TMPRSS11D: variants seen among roughly 807,000 people sequenced by gnomAD.
TMPRSS11D encodes transmembrane protease serine 11D.
A neutral mutation model predicts 44.4 loss-of-function variants in TMPRSS11D; 32 were observed. The observed-to-expected ratio is 0.72, with a 90% CI of 0.54 to 0.97. TMPRSS11D has a LOEUF of 0.97. Among genes scored for constraint, TMPRSS11D ranks in the 50% least tolerant of loss-of-function variants. The pLI, the probability that TMPRSS11D is intolerant of heterozygous loss-of-function variation, is 0.00. For synonymous variants in TMPRSS11D, 179 were observed against 177.9 expected, an observed-to-expected ratio of 1.01 and a Z score of -0.05; for missense variants, 446 against 502.6, an observed-to-expected ratio of 0.89 and a Z score of 1.08.
intron 1 of TMPRSS11D, among the ~76,000 whole-genome samples, chr4:67,863,051 A>AT (rs982848948): frequency 5.5e-5 from 8 of 146,514 alleles, no homozygotes; most frequent in South Asian, 2.1e-4. Flanking sequence ...ATAATAAAAA[A>AT]ATATATATAA....
chr4:67,827,683 C>T (rs574086839), intron 7 of TMPRSS11D, among the ~76,000 whole-genome samples, 163 bp from the exon 8 acceptor site: 3 of 152,186 alleles, frequency 2.0e-5, no homozygotes, highest in African/African-American at 4.8e-5. Context: ...TTTAATTCTT[C>T]ACTGGCCGAA....
intron 3 of TMPRSS11D, among the ~76,000 whole-genome samples, 186 bp from the exon 4 acceptor site, chr4:67,842,811 A>G (rs1718263704): frequency 6.6e-6 from 1 of 152,212 alleles, no homozygotes; most frequent in South Asian, 2.1e-4. Flanking sequence ...TTGATGCAGT[A>G]CCTATTCCTT....
At chr4:67,849,313 T>TA (rs1718437758) in intron 3 of TMPRSS11D, among the ~76,000 whole-genome samples, 1 of 152,148 alleles carries the variant, frequency 6.6e-6, no homozygotes, top group Non-Finnish European at 1.5e-5. Context: ...CATGTAAGGA[T>TA]ATCAAGCTGG....
intron 4 of TMPRSS11D, among the ~76,000 whole-genome samples, chr4:67,839,834 T>C (rs2109670424): frequency 6.6e-6 from 1 of 151,994 alleles, no homozygotes; most frequent in East Asian, 1.9e-4. Flanking sequence ...TTTTTTTTAA[T>C]TTTATTATTA....
At chr4:67,863,470 T>C (rs1718845461) in intron 1 of TMPRSS11D, among the ~76,000 whole-genome samples, 1 of 152,096 alleles carries the variant, frequency 6.6e-6, no homozygotes. Flanking sequence ...TAAAACATGA[T>C]CATTTCTTAT....
chr4:67,858,273 T>TG (rs1441123843), intron 2 of TMPRSS11D, among the ~76,000 whole-genome samples: 2 of 152,160 alleles, frequency 1.3e-5, no homozygotes, highest in Non-Finnish European at 2.9e-5. Context: ...TCAAGTCATT[T>TG]GGGGGCCATA....
chr4:67,862,217 G>A (rs1453259503), intron 1 of TMPRSS11D, among the ~76,000 whole-genome samples: 5 of 152,052 alleles, frequency 3.3e-5, no homozygotes, highest in Non-Finnish European at 7.4e-5. Flanking sequence ...GTACAAGTAC[G>A]TTGTCAATCT....
chr4:67,823,995 C>A (rs905003059), intron 9 of TMPRSS11D, among the ~76,000 whole-genome samples: 4 of 151,964 alleles, frequency 2.6e-5, no homozygotes, highest in Non-Finnish European at 5.9e-5. Context: ...TTGCTGAATG[C>A]AGGGATAGTA....
rs1717659906 is a variant in TMPRSS11D, at chr4:67,822,196, A to T, written c.*141T>A. On this transcript the variant is annotated 3_prime_UTR_variant, in exon 10 of 10. Coordinates refer to ENST00000283916, the MANE Select transcript of TMPRSS11D (RefSeq NM_004262.3). ...CTTTAATAATAAAGAAAGGTTAAACAGTGTTTGTTAAACCATATTTATGTA... is the reference window on the plus strand; with the variant it reads ...CTTTAATAATAAAGAAAGGTTAAACTGTGTTTGTTAAACCATATTTATGTA... 3 of 940,126 alleles carry T rather than the reference A, an allele frequency of 3.2e-6. No individual in the cohort carries two copies. Among genetic ancestry groups the T allele is most frequent in the Non-Finnish European group, 4.8e-6 (3 of 625,260 alleles). The allele number at this position is 940,126 out of a possible 1,614,324, so 58.2% of individuals were successfully genotyped here.
intron 4 of TMPRSS11D, among the ~76,000 whole-genome samples, chr4:67,841,577 A>T (rs1012492333): frequency 1.3e-5 from 2 of 152,160 alleles, no homozygotes; most frequent in African/African-American, 2.4e-5. Flanking sequence ...GGATTGAGTG[A>T]TAAGTGGGAA....
chr4:67,845,559 A>G (rs181539332), intron 3 of TMPRSS11D, among the ~76,000 whole-genome samples: 7 of 152,272 alleles, frequency 4.6e-5, no homozygotes, highest in African/African-American at 1.7e-4. Context: ...CATAAGTTTT[A>G]CATTCAATCT....
intron 1 of TMPRSS11D, among the ~76,000 whole-genome samples, chr4:67,878,693 A>C (rs1719251553): frequency 6.6e-6 from 1 of 152,176 alleles, no homozygotes; most frequent in East Asian, 1.9e-4. Context: ...TGGGAGGCCG[A>C]GGTGGGCAGA....
rs113034629 is a variant in TMPRSS11D, at chr4:67,858,354, T to C, written c.130+1203A>G. ...ACTCTTTAAGCATGACAATGCCGTG[T>C]CATTAAGAGTGAAAATTCATTAATT... On this transcript the variant is annotated intron_variant, in intron 2 of 9. Coordinates refer to ENST00000283916, the MANE Select transcript of TMPRSS11D (RefSeq NM_004262.3). 6.8e-4 allele frequency among the ~76,000 whole-genome samples: 103 copies of C among 152,296 alleles called. 1 individual carries two copies. Among genetic ancestry groups the C allele is most frequent in the African/African-American group, 2.4e-3 (100 of 41,556 alleles).
chr4:67,831,564 A>C (rs1418532823), intron 7 of TMPRSS11D, among the ~76,000 whole-genome samples: 5 of 152,134 alleles, frequency 3.3e-5, no homozygotes, highest in Non-Finnish European at 7.4e-5. Context: ...CTTAGAATCC[A>C]GGGAGGTTTC....
At chr4:67,881,685 G>A (rs571978525) in intron 1 of TMPRSS11D, among the ~76,000 whole-genome samples, 1 of 152,246 alleles carries the variant, frequency 6.6e-6, no homozygotes, top group South Asian at 2.1e-4. Flanking sequence ...GCGATGGCTC[G>A]TCCCCCCGCC....
At chr4:67,857,271 GTATATATATATATATATATATATATATA>G (rs1214467886) in intron 2 of TMPRSS11D, among the ~76,000 whole-genome samples, 1 of 70,076 alleles carries the variant, frequency 1.4e-5, no homozygotes, top group African/African-American at 6.5e-5. Flanking sequence ...AGAAAATATG[GTATATATATATATATATATATATATATA>G]TATATATATA....
intron 7 of TMPRSS11D, among the ~76,000 whole-genome samples, 181 bp from the exon 8 acceptor site, chr4:67,827,701 T>G (rs1034597214): frequency 4.6e-5 from 7 of 152,148 alleles, no homozygotes; most frequent in Non-Finnish European, 1.0e-4. Context: ...GAATACATGG[T>G]CACTTGTCTA....
rs1718029570 is a variant in TMPRSS11D, at chr4:67,834,607, A to G, written c.514+476T>C. On this transcript the variant is annotated intron_variant, in intron 6 of 9. Transcript: ENST00000283916. ...CATAGGATGATGTTGAAGAGTAGTG[A>G]CTTTTCCTTCAGGTTATAGACCCAA... 2.0e-5 allele frequency among the ~76,000 whole-genome samples: 3 copies of G among 152,150 alleles called. 1 individual carries two copies. Among genetic ancestry groups the G allele is most frequent in the Admixed American group, 2.0e-4 (3 of 15,252 alleles).
At chr4:67,873,835 T>C (rs922349410) in intron 1 of TMPRSS11D, among the ~76,000 whole-genome samples, 1 of 152,086 alleles carries the variant, frequency 6.6e-6, no homozygotes, top group African/African-American at 2.4e-5. Flanking sequence ...GCATAATAGA[T>C]CCTTCTCTGT....
Sources: gnomAD v4.1 joint callset for allele counts (sites outside exome capture counted in the v4.1 genomes callset) on GRCh38, gnomAD v4.1.1 for gene constraint, MANE v1.5 for transcripts, NCBI Gene and HGNC (gene_info 2026-07-23, HGNC 2026-07-21) for gene names.